The following AZIN2 variants were observed in gnomAD, a reference collection of about 807,000 sequenced individuals.
The protein encoded by AZIN2 is ODC antizyme inhibitor-2.
Under a neutral mutation model 47.8 loss-of-function variants are expected in AZIN2, and 28 were observed. The ratio of observed to expected loss-of-function variants is 0.59; its 90% CI spans 0.43 to 0.80. The LOEUF is 0.80. Among genes scored for constraint, AZIN2 ranks in the 30% least tolerant of loss-of-function variants. The pLI is 0.00. For synonymous variants in AZIN2, 221 were observed against 239.4 expected, an observed-to-expected ratio of 0.92 and a Z score of 0.71; for missense variants, 535 against 582.5, an observed-to-expected ratio of 0.92 and a Z score of 0.84.
intron 3 of AZIN2, 30 bp from the exon 4 acceptor site, chr1:33,082,148 C>G (rs778639470): frequency 1.0e-6 from 1 of 969,100 alleles, no homozygotes; most frequent in Admixed American, 2.0e-5. Flanking sequence ...GGCCCCCCAG[C>G]GGTTCCCTTC....
rs1262273592 is a variant in AZIN2 at position 33,098,053 on chromosome 1, C to G, written c.917-14C>G. 15 of 1,601,024 alleles carry G rather than the reference C, an allele frequency of 9.4e-6. No individual in the cohort carries two copies. Among genetic ancestry groups the G allele is most frequent in the Non-Finnish European group, 1.3e-5 (15 of 1,168,146 alleles). On this transcript the variant is annotated splice_polypyrimidine_tract_variant and intron_variant, in intron 9 of 11. Coordinates refer to ENST00000294517, the MANE Select transcript of AZIN2 (RefSeq NM_052998.4). ...TTGCTACTTGTGCTGCCTCTGAACC[C>G]TCCCCTCCTGCAGAGGAAAATGGTT...
chr1:33,096,867 A>G lies in AZIN2; in HGVS notation c.914A>G (p.Glu305Gly), dbSNP rs1643211770. 2 of 1,614,076 alleles carry G rather than the reference A, an allele frequency of 1.2e-6. No homozygotes were observed. Among genetic ancestry groups the G allele is most frequent in the Non-Finnish European group, 1.7e-6 (2 of 1,179,986 alleles). The stretch of plus-strand genomic sequence containing the variant: ...GTTCTGCTAGACCAGCCTGGCAGGG[A>G]GGGTAGGTGCCAGGTGGGCAGTGGA... ...KEVLLDQPGREEENGSTSKTI... is the reference protein window; with the variant it reads ...KEVLLDQPGRGEENGSTSKTI... Residue 305 changes from glutamate to glycine, a missense_variant and splice_region_variant, in exon 9 of 12, where the codon GAG (glutamate) becomes GGG (glycine). Physicochemically the swap from Glu to Gly is moderately conservative, Grantham distance 98. Transcript: ENST00000294517.
intron 11 of AZIN2, chr1:33,118,452 G>T (rs890140959): frequency 4.6e-6 from 1 of 216,502 alleles, no homozygotes; most frequent in Non-Finnish European, 9.1e-6. Context: ...CTTCCCAGAA[G>T]AAAGGAACGG....
chr1:33,082,154 C>T lies in AZIN2; in HGVS notation c.-72-24C>T, dbSNP rs566099469. 2.8e-6 allele frequency: 3 copies of T among 1,063,082 alleles called. No homozygotes were observed. In the East Asian group the frequency reaches 7.8e-5, roughly 28 times the overall value. 65.9% of individuals were successfully genotyped at this position (1,063,082 alleles called of 1,614,324 possible). A position where few individuals can be genotyped will look rare whatever the true frequency, so the allele number is the denominator to read the frequency against. On this transcript the variant is annotated intron_variant, in intron 3 of 11. Transcript: ENST00000294517. The stretch of plus-strand genomic sequence containing the variant: ...AGCAGAGCCGGCCCCCCAGCGGTTC[C>T]CTTCATCTCCCCTCGCCCCGCAGTG...
At chr1:33,158,175 G>A in the AZIN2 span, 1 of 1,342,500 alleles carries the variant, frequency 7.4e-7, no homozygotes, top group Non-Finnish European at 1.1e-6. Context: ...ACTGCCCCAT[G>A]CTGTGTTTAG....
At chr1:33,134,397 A>G in the AZIN2 span, among the ~76,000 whole-genome samples, 1 of 152,348 alleles carries the variant, frequency 6.6e-6, no homozygotes. Flanking sequence ...TTCCCATGTT[A>G]GCTAAGGCGC....
chr1:33,101,619 C>G (rs898908079), intron 10 of AZIN2, among the ~76,000 whole-genome samples: 10 of 151,666 alleles, frequency 6.6e-5, no homozygotes, highest in Admixed American at 3.3e-4. Flanking sequence ...TAATAAGCAT[C>G]CTTATTATTT....
the AZIN2 span, among the ~76,000 whole-genome samples, chr1:33,136,162 CCTTCCTTCCT>C: frequency 4.7e-5 from 7 of 149,206 alleles, no homozygotes; most frequent in Admixed American, 2.0e-4. Flanking sequence ...TTCCTTCCTT[CCTTCCTTCCT>C]TCCCTCCCTC....
chr1:33,094,711 G>C lies in AZIN2; in HGVS notation c.751G>C (p.Glu251Gln). Residue 251 changes from glutamate to glutamine, a missense_variant and splice_region_variant, in exon 8 of 12, where the codon GAG (glutamate) becomes CAG (glutamine). This residue lies in a region of AZIN2 where 409 missense variants were observed against 429.0 expected (regional missense o/e 0.95). Transcript: ENST00000294517. Reference protein sequence around the residue: ...GTEGAKVRFEEIASVINSALD... With the variant: ...GTEGAKVRFEQIASVINSALD... Reference sequence around the variant, plus strand: ...AGAAGGGGCCAAAGTGAGATTTGAAGAGGTAACCCTGGAGCTGGGAGTGTC... The same window carrying C: ...AGAAGGGGCCAAAGTGAGATTTGAACAGGTAACCCTGGAGCTGGGAGTGTC... 6.2e-7 allele frequency: 1 copy of C among 1,614,074 alleles called. No individual in the cohort carries two copies. The highest frequency in any genetic ancestry group is 8.5e-7 in the Non-Finnish European group (1 of 1,179,934).
chr1:33,143,168 G>A, the AZIN2 span: 1 of 152,172 alleles, frequency 6.6e-6, no homozygotes, highest in Non-Finnish European at 1.5e-5. Context: ...TTCTCTGGAC[G>A]TGTATCAAAT....
downstream of AZIN2, among the ~76,000 whole-genome samples, chr1:33,125,696 T>C (rs1644851505): frequency 6.6e-6 from 1 of 152,202 alleles, no homozygotes; most frequent in Non-Finnish European, 1.5e-5. Context: ...GAAAATCCCT[T>C]AGAAAGCTAT....
At chr1:33,117,182 T>C (rs764532294) in intron 10 of AZIN2, among the ~76,000 whole-genome samples, 1 of 152,248 alleles carries the variant, frequency 6.6e-6, no homozygotes, top group East Asian at 1.9e-4. Context: ...GTGTCTACTC[T>C]GTGGGGTCCT....
At position 33,120,387 on chromosome 1, in the gene AZIN2, T is replaced by C. The variant is rs1040285929; in HGVS notation, c.*205T>C. 6 of 714,616 alleles carry C rather than the reference T, an allele frequency of 8.4e-6. No homozygotes were observed. The highest frequency in any genetic ancestry group is 1.3e-5 in the Non-Finnish European group (6 of 455,398). 44.3% of individuals were successfully genotyped at this position (714,616 alleles called of 1,614,324 possible). A position where few individuals can be genotyped will look rare whatever the true frequency, so the allele number is the denominator to read the frequency against. On this transcript the variant is annotated 3_prime_UTR_variant, in exon 12 of 12. Coordinates refer to ENST00000294517, the MANE Select transcript of AZIN2 (RefSeq NM_052998.4). Reference sequence around the variant, plus strand: ...TTCAAGTATGCAACATAAATCCTGTTCCTTCCAGCTGTGTCTGCCTCCTCT... The same window carrying C: ...TTCAAGTATGCAACATAAATCCTGTCCCTTCCAGCTGTGTCTGCCTCCTCT...
At chr1:33,131,788 A>G in the AZIN2 span, among the ~76,000 whole-genome samples, 1 of 152,154 alleles carries the variant, frequency 6.6e-6, no homozygotes, top group African/African-American at 2.4e-5. Context: ...TATACCTCAC[A>G]TTATATTTAT....
chr1:33,085,576 G>A (rs1213929836), intron 5 of AZIN2, among the ~76,000 whole-genome samples: 7 of 152,174 alleles, frequency 4.6e-5, no homozygotes, highest in South Asian at 2.1e-4. Flanking sequence ...GATGTTGTGA[G>A]GAGAGTTCTA....
the AZIN2 span, chr1:33,165,668 C>T: frequency 1.0e-6 from 1 of 999,152 alleles, no homozygotes; most frequent in African/African-American, 1.7e-5. The surrounding 1 kb of genome is among the most constrained non-coding windows in gnomAD (Gnocchi z 4.0). Flanking sequence ...GGTCTCTGTC[C>T]CCAACCTCCA....
intron 5 of AZIN2, among the ~76,000 whole-genome samples, chr1:33,088,194 T>C (rs1034194059): frequency 2.0e-5 from 3 of 152,220 alleles, no homozygotes; most frequent in African/African-American, 4.8e-5. Flanking sequence ...GTTGACTTGA[T>C]ACGAGGAGAT....
At chr1:33,086,832 G>A (rs905465669) in intron 5 of AZIN2, among the ~76,000 whole-genome samples, 4 of 152,076 alleles carry the variant, frequency 2.6e-5, no homozygotes, top group South Asian at 2.1e-4. Flanking sequence ...CTCTCTTTTC[G>A]TGACCAAACT....
At chr1:33,155,665 G>A in the AZIN2 span, among the ~76,000 whole-genome samples, 1 of 152,104 alleles carries the variant, frequency 6.6e-6, no homozygotes, top group African/African-American at 2.4e-5. Flanking sequence ...CTGTGCCTCC[G>A]TTACTTATTC....
Sources: allele counts gnomAD v4.1 joint callset (sites outside exome capture counted in the v4.1 genomes callset), GRCh38; gene constraint gnomAD v4.1.1; regional missense constraint gnomAD v4.1.1; non-coding constraint Gnocchi (gnomAD v3.1); transcripts MANE v1.5; gene names NCBI Gene and HGNC (gene_info 2026-07-23, HGNC 2026-07-21).